Variants in ADCY8 observed in about 807,000 individuals in gnomAD.
The protein encoded by ADCY8 is adenylate cyclase 8, also known as adenylate cyclase type 8.
In ADCY8, 51 loss-of-function variants were observed where a neutral mutation model predicts 119.7. That is an observed-to-expected ratio of 0.43 (90% CI 0.34 to 0.54). ADCY8 has a LOEUF of 0.54. Among genes scored for constraint, ADCY8 ranks in the 20% least tolerant of loss-of-function variants. ADCY8 has a pLI of 0.03. For synonymous variants in ADCY8, 665 were observed against 651.0 expected (o/e 1.02, Z -0.33); for missense variants, 1,383 against 1,598.8 (o/e 0.87, Z 2.30).
At chr8:130,807,389 T>TC (rs1440663944) in intron 14 of ADCY8, among the ~76,000 whole-genome samples, 19 of 152,292 alleles carry the variant, frequency 1.2e-4, no homozygotes, top group African/African-American at 4.6e-4. Flanking sequence ...TCTGAATGTG[T>TC]CCCCCAAATT....
chr8:130,974,179 G>T (rs915182136), intron 2 of ADCY8, among the ~76,000 whole-genome samples: 7 of 152,194 alleles, frequency 4.6e-5, no homozygotes, highest in African/African-American at 1.4e-4. Flanking sequence ...TAACTTCTGA[G>T]CTTTATTATC....
intron 1 of ADCY8, among the ~76,000 whole-genome samples, chr8:130,993,346 T>C (rs1187481359): frequency 2.0e-5 from 3 of 152,208 alleles, no homozygotes; most frequent in African/African-American, 7.2e-5. Flanking sequence ...TATTTATAAA[T>C]CTATAGTCAC....
chr8:130,955,552 C>A (rs66990776), intron 2 of ADCY8, among the ~76,000 whole-genome samples: 7,258 of 152,250 alleles, frequency 0.048, 194 homozygotes, highest in Non-Finnish European at 0.055. Context: ...TCAATGATTA[C>A]TTAATTGAAT....
chr8:130,820,256 G>A lies in ADCY8; in HGVS notation c.2754+1086C>T, dbSNP rs7014133. Among the ~76,000 whole-genome samples the A allele has an allele frequency of 6.9e-3, 1,045 of 152,158 alleles. 11 individuals carry two copies. The Middle Eastern group carries it at 0.075, about 11-fold the overall frequency. On this transcript the variant is annotated intron_variant, in intron 13 of 17. Transcript: ENST00000286355. ...AATTATGTGTCTCTGTGTTCTTGGGGTTTTGGGCTGTTTCATCCCTATTTT... is the reference window on the plus strand; with the variant it reads ...AATTATGTGTCTCTGTGTTCTTGGGATTTTGGGCTGTTTCATCCCTATTTT...
chr8:130,895,993 T>G (rs910891139), intron 7 of ADCY8, among the ~76,000 whole-genome samples: 8 of 151,492 alleles, frequency 5.3e-5, no homozygotes, highest in African/African-American at 1.9e-4. Context: ...AAATCTGTGC[T>G]TTGGTCTTGA....
At chr8:130,892,287 G>A (rs763220491) in intron 7 of ADCY8, 3 of 152,068 alleles carry the variant, frequency 2.0e-5, no homozygotes, top group Non-Finnish European at 2.9e-5. Flanking sequence ...TTGGGAAATC[G>A]TTGCTTCCCA....
At chr8:131,033,392 A>C (rs1299057997) in intron 1 of ADCY8, among the ~76,000 whole-genome samples, 2 of 152,170 alleles carry the variant, frequency 1.3e-5, no homozygotes, top group Non-Finnish European at 2.9e-5. Context: ...ATTTCTGATG[A>C]GCTCTTAAAA....
intron 12 of ADCY8, among the ~76,000 whole-genome samples, chr8:130,822,642 C>T (rs1487408864): frequency 1.3e-5 from 2 of 152,080 alleles, no homozygotes; most frequent in African/African-American, 4.8e-5. Context: ...AGGACATAGA[C>T]ACATTCCAGT....
intron 1 of ADCY8, among the ~76,000 whole-genome samples, chr8:131,025,411 C>T (rs1474143986): frequency 6.6e-6 from 1 of 152,084 alleles, no homozygotes; most frequent in Non-Finnish European, 1.5e-5. Flanking sequence ...TGTAACAACT[C>T]TGTGTTCAGC....
intron 1 of ADCY8, among the ~76,000 whole-genome samples, chr8:131,021,886 T>C (rs879816927): frequency 6.6e-6 from 1 of 152,184 alleles, no homozygotes; most frequent in Non-Finnish European, 1.5e-5. Flanking sequence ...AACAGACTAA[T>C]ACAACAAGTG....
intron 1 of ADCY8, among the ~76,000 whole-genome samples, chr8:131,014,509 GC>G: frequency 6.6e-6 from 1 of 150,684 alleles, no homozygotes; most frequent in African/African-American, 2.5e-5. Flanking sequence ...ACTTAACACA[GC>G]TAAGCCTATT....
At chr8:130,929,729 G>A (rs1415215464) in intron 5 of ADCY8, among the ~76,000 whole-genome samples, 1 of 152,060 alleles carries the variant, frequency 6.6e-6, no homozygotes, top group African/African-American at 2.4e-5. Context: ...CTGAAACTGG[G>A]ATGTTGAAGT....
chr8:130,872,640 T>C (rs2954693), intron 8 of ADCY8, among the ~76,000 whole-genome samples: 29,985 of 152,200 alleles, frequency 0.2, 3,291 homozygotes, highest in South Asian at 0.44. Context: ...AAAATGCCAC[T>C]GCTATATTTT....
Position 130,849,797 on chromosome 8 carries a change from C to T in ADCY8, c.2217G>A (p.Met739Ile). Residue 739 changes from methionine to isoleucine, a missense_variant, in exon 10 of 18, where the codon ATG becomes ATA. By Grantham distance (10) the Met-to-Ile change is conservative. This residue lies in a region of ADCY8 where 928 missense variants were observed against 1,163.5 expected (regional missense o/e 0.80). Coordinates refer to ENST00000286355, the MANE Select transcript of ADCY8 (RefSeq NM_001115.3). ...IQSLLPSSRV[M>I]PMTIQFSILI... is the part of the protein sequence containing the mutation. ...GAATGGAGAACTGGATGGTCATTGGCATCACTCTGCAGGGAAACACAGAAT... is the reference window on the plus strand; with the variant it reads ...GAATGGAGAACTGGATGGTCATTGGTATCACTCTGCAGGGAAACACAGAAT... 6.2e-7 allele frequency: 1 copy of T among 1,611,742 alleles called. No homozygotes were observed. Among genetic ancestry groups the T allele is most frequent in the South Asian group, 1.1e-5 (1 of 90,686 alleles).
intron 12 of ADCY8, among the ~76,000 whole-genome samples, chr8:130,829,760 G>T (rs746871343): frequency 1.3e-5 from 2 of 152,186 alleles, no homozygotes; most frequent in Admixed American, 6.5e-5. Flanking sequence ...TTTAGCCAAG[G>T]TTAACACTAA....
chr8:130,951,941 TGTC>T lies in ADCY8; in HGVS notation c.1165_1167del (p.Asp389del). The T allele has an allele frequency of 6.2e-7, 1 of 1,614,116 alleles. No homozygotes were observed. The highest frequency in any genetic ancestry group is 1.1e-5 in the South Asian group (1 of 91,078). On this transcript the variant is annotated inframe_deletion, in exon 3 of 18. Transcript: ENST00000286355. ...AGGTGCTCATCTTCCACATTGGTCA[TGTC>T]GTTGATCATTTCCAGGACAACAAAC...
At chr8:131,035,035 T>C (rs1017506720) in intron 1 of ADCY8, among the ~76,000 whole-genome samples, 3 of 152,188 alleles carry the variant, frequency 2.0e-5, no homozygotes, top group African/African-American at 7.2e-5. Context: ...AATATAATCT[T>C]ATCATCAATC....
chr8:130,995,019 C>T (rs1822727832), intron 1 of ADCY8, among the ~76,000 whole-genome samples: 1 of 152,166 alleles, frequency 6.6e-6, no homozygotes, highest in Admixed American at 6.5e-5. Context: ...TCCCAGATTA[C>T]TAACATTTCA....
At chr8:130,953,213 A>G (rs1037525921) in intron 2 of ADCY8, among the ~76,000 whole-genome samples, 2 of 152,150 alleles carry the variant, frequency 1.3e-5, no homozygotes, top group African/African-American at 2.4e-5. Context: ...ATAATAGGTC[A>G]TGTGGAATTA....
Sources: gnomAD v4.1 joint callset for allele counts (sites outside exome capture counted in the v4.1 genomes callset) on GRCh38, gnomAD v4.1.1 for gene constraint, gnomAD v4.1.1 regional missense constraint, MANE v1.5 for transcripts, NCBI Gene and HGNC (gene_info 2026-07-23, HGNC 2026-07-21) for gene names.